CNTN6: variants seen among roughly 807,000 people sequenced by gnomAD.
CNTN6 encodes the protein contactin 6.
In CNTN6, 137 loss-of-function variants were observed where a neutral mutation model predicts 122.8. The ratio of observed to expected loss-of-function variants is 1.12; its 90% confidence interval spans 0.97 to 1.29. CNTN6 has a LOEUF of 1.29. Among genes scored for constraint, CNTN6 ranks in the 50% most tolerant of loss-of-function variants. The pLI, the probability that CNTN6 is intolerant of heterozygous loss-of-function variation, is 0.00. For missense variants in CNTN6, 1,634 were observed against 1,223.4 expected (o/e 1.34, Z -5.01); for synonymous variants, 570 against 426.0 (o/e 1.34, Z -4.16).
chr3:1,145,303 A>G (rs1300835299), intron 1 of CNTN6, among the ~76,000 whole-genome samples: 1 of 152,182 alleles, frequency 6.6e-6, no homozygotes, highest in African/African-American at 2.4e-5. Context: ...CAATATGCTG[A>G]ATTTTTTACA....
At chr3:1,261,675 G>T (rs1575464404) in intron 4 of CNTN6, among the ~76,000 whole-genome samples, 1 of 152,244 alleles carries the variant, frequency 6.6e-6, no homozygotes, top group South Asian at 2.1e-4. Context: ...TCCTAAATGG[G>T]TTGAACAGAT....
chr3:1,177,204 A>C (rs1394096343), intron 2 of CNTN6, among the ~76,000 whole-genome samples: 1 of 152,196 alleles, frequency 6.6e-6, no homozygotes, highest in Non-Finnish European at 1.5e-5. Context: ...ATTGCATAGT[A>C]AACACAATGT....
chr3:1,245,258 CATAT>C (rs545041480), intron 4 of CNTN6, among the ~76,000 whole-genome samples: 1 of 3,946 alleles, frequency 2.5e-4, no homozygotes, highest in African/African-American at 8.0e-4. Context: ...ATATATATAA[CATAT>C]ATATATATAT....
intron 7 of CNTN6, among the ~76,000 whole-genome samples, chr3:1,299,596 A>G (rs1696853809): frequency 6.6e-6 from 1 of 152,234 alleles, no homozygotes; most frequent in African/African-American, 2.4e-5. Context: ...TTTTCATTAC[A>G]TATGAGAAAC....
intron 20 of CNTN6, 75 bp downstream of exon 20, chr3:1,385,872 C>T: frequency 3.8e-6 from 5 of 1,332,308 alleles, no homozygotes; most frequent in Non-Finnish European, 4.1e-6. Context: ...ATGTTCATTT[C>T]ATTCCCACAC....
At chr3:1,335,949 T>C (rs1310954697) in intron 11 of CNTN6, among the ~76,000 whole-genome samples, 1 of 151,746 alleles carries the variant, frequency 6.6e-6, no homozygotes. Flanking sequence ...GGAACGGGTG[T>C]TGAGGTGGGA....
intron 21 of CNTN6, among the ~76,000 whole-genome samples, chr3:1,401,824 G>A (rs73817167): frequency 0.01 from 1,584 of 152,028 alleles, 26 homozygotes; most frequent in African/African-American, 0.036. Flanking sequence ...GATGGCTTAT[G>A]TGCATAGTAG....
At chr3:1,283,197 C>G (rs763875784) in intron 5 of CNTN6, among the ~76,000 whole-genome samples, 4 of 152,110 alleles carry the variant, frequency 2.6e-5, no homozygotes, top group Non-Finnish European at 5.9e-5. Context: ...TCATGTGATC[C>G]GCCTGCCTCG....
intron 4 of CNTN6, among the ~76,000 whole-genome samples, chr3:1,245,974 G>T (rs140181023): frequency 6.6e-5 from 10 of 151,966 alleles, no homozygotes; most frequent in Non-Finnish European, 1.3e-4. Flanking sequence ...ATTTTTGTTG[G>T]GCCACATTCA....
intron 7 of CNTN6, among the ~76,000 whole-genome samples, chr3:1,302,956 C>G (rs200882100): frequency 1.4e-5 from 2 of 141,874 alleles, no homozygotes; most frequent in South Asian, 2.3e-4. Context: ...TTATTTTTAT[C>G]TTTGCATCTC....
At chr3:1,200,686 G>A (rs2093850678) in intron 2 of CNTN6, among the ~76,000 whole-genome samples, 1 of 152,038 alleles carries the variant, frequency 6.6e-6, no homozygotes, top group African/African-American at 2.4e-5. Flanking sequence ...TTGTAAATGT[G>A]ATCACAGCCT....
intron 4 of CNTN6, among the ~76,000 whole-genome samples, chr3:1,241,205 G>A (rs1020481869): frequency 4.6e-5 from 7 of 152,142 alleles, no homozygotes; most frequent in African/African-American, 1.7e-4. Flanking sequence ...TACAGGGGAT[G>A]CGATGGCCTG....
At chr3:1,201,099 T>TTG (rs57028088) in intron 2 of CNTN6, among the ~76,000 whole-genome samples, 5,815 of 129,958 alleles carry the variant, frequency 0.045, 161 homozygotes, top group South Asian at 0.097. Flanking sequence ...AGCTAACATT[T>TTG]TGTGTGTGTG....
chr3:1,395,391 A>G (rs1694860409), intron 20 of CNTN6, among the ~76,000 whole-genome samples: 1 of 152,178 alleles, frequency 6.6e-6, no homozygotes, highest in Non-Finnish European at 1.5e-5. Flanking sequence ...GAAGCTCCAA[A>G]GGATAATTTG....
Position 1,093,029 on chromosome 3 carries a change from G to T in CNTN6, c.-174G>T. On this transcript the variant is annotated 5_prime_UTR_variant, in exon 1 of 23. Coordinates refer to ENST00000446702, the MANE Select transcript of CNTN6 (RefSeq NM_001289080.2). The stretch of plus-strand genomic sequence containing the variant: ...CCCAGCTGCATAGACATTCCATACG[G>T]CTTGGTTCTGCCTGGACGCACAGCA... 1 of 351,114 alleles carries T rather than the reference G, an allele frequency of 2.8e-6. No homozygotes were observed. The highest frequency in any genetic ancestry group is 7.6e-5 in the East Asian group (1 of 13,138). 21.7% of individuals were successfully genotyped at this position (351,114 alleles called of 1,614,324 possible).
At chr3:1,266,697 C>A (rs2094931066) in intron 4 of CNTN6, among the ~76,000 whole-genome samples, 1 of 152,132 alleles carries the variant, frequency 6.6e-6, no homozygotes, top group Admixed American at 6.5e-5. Flanking sequence ...TTCGCATAAA[C>A]CACTCTTTCC....
At position 1,372,390 on chromosome 3, in the gene CNTN6, C is replaced by T. The variant is rs756112961; in HGVS notation, c.1584C>T (p.Ser528=). 8 of 1,613,080 alleles carry T rather than the reference C, an allele frequency of 5.0e-6. No homozygotes were observed. Among genetic ancestry groups the T allele is most frequent in the East Asian group, 2.2e-5 (1 of 44,828 alleles). The part of the protein sequence containing the change: ...VLPCQVSHDP[S]IEVVFVWFFN... ...CATGCCAGGTGTCCCATGACCCCTC[C>T]ATTGAAGTGGTATTTGTATGGTTTT... Residue 528 remains serine, a synonymous_variant, in exon 13 of 23, where the codon TCC becomes TCT. Transcript: ENST00000446702.
chr3:1,288,941 GAAGTCAT>G (rs1694817338), intron 5 of CNTN6, among the ~76,000 whole-genome samples: 1 of 152,080 alleles, frequency 6.6e-6, no homozygotes, highest in Non-Finnish European at 1.5e-5. Flanking sequence ...TGTAGAGGAC[GAAGTCAT>G]TGTGAAACTA....
At chr3:1,346,025 C>T (rs1575796541) in intron 11 of CNTN6, among the ~76,000 whole-genome samples, 1 of 150,460 alleles carries the variant, frequency 6.6e-6, no homozygotes, top group East Asian at 2.0e-4. Flanking sequence ...ATTTCTAATC[C>T]TCTTTGTCCT....
Sources: allele counts gnomAD v4.1 joint callset (sites outside exome capture counted in the v4.1 genomes callset), GRCh38; gene constraint gnomAD v4.1.1; transcripts MANE v1.5; gene names NCBI Gene and HGNC (gene_info 2026-07-23, HGNC 2026-07-21).